Variants in MAEL observed in about 807,000 individuals in gnomAD.
MAEL encodes maelstrom spermatogenic transposon silencer.
In MAEL, 46 loss-of-function variants were observed where a neutral mutation model predicts 62.0. That is an observed-to-expected ratio of 0.74 (90% CI 0.59 to 0.95). The LOEUF is 0.95. Ranked by LOEUF, MAEL falls within the 40% of genes least tolerant of loss-of-function variation. The probability of loss-of-function intolerance (pLI) is 0.00; values close to 1 mark genes in which losing one functional copy is unlikely to be tolerated. For missense variants in MAEL, 497 were observed against 526.8 expected (o/e 0.94, Z 0.55); for synonymous variants, 172 against 175.5 (o/e 0.98, Z 0.16).
upstream of MAEL, among the ~76,000 whole-genome samples, chr1:166,988,494 C>G (rs1330659127): frequency 6.6e-6 from 1 of 151,752 alleles, no homozygotes; most frequent in Non-Finnish European, 1.5e-5. Flanking sequence ...AGAAAGCTGA[C>G]CCGAGAAAGG....
chr1:166,984,001 C>CAAAAAA (rs5778528), intron 1 of MAEL, among the ~76,000 whole-genome samples: 2 of 117,722 alleles, frequency 1.7e-5, no homozygotes, highest in African/African-American at 3.2e-5. Context: ...GATCCTGTCT[C>CAAAAAA]AAAAAAAAAA....
At chr1:166,980,831 A>C (rs1663738843) in intron 1 of MAEL, among the ~76,000 whole-genome samples, 3 of 152,174 alleles carry the variant, frequency 2.0e-5, no homozygotes, top group Non-Finnish European at 4.4e-5. Flanking sequence ...ATAGGAAGAA[A>C]GGGTAACTGG....
At chr1:166,986,514 A>G (rs574386263), upstream of MAEL, among the ~76,000 whole-genome samples, 7 of 152,338 alleles carry the variant, frequency 4.6e-5, no homozygotes, top group East Asian at 1.3e-3. Context: ...AATACCTATT[A>G]GCTGTAAAAG....
intron 6 of MAEL, 91 bp from the exon 7 acceptor site, chr1:167,004,985 C>T: frequency 7.8e-7 from 1 of 1,278,248 alleles, no homozygotes; most frequent in African/African-American, 1.5e-5. Flanking sequence ...CCAACCCCCA[C>T]ATTTTGAAAG....
Position 166,989,441 on chromosome 1 carries a change from C to T in MAEL, c.89C>T (p.Ala30Val), listed in dbSNP as rs749100498. ...PELRRRGLPV[A>V]RVADAIPYCS... is the part of the protein sequence containing the mutation. Reference sequence around the variant, plus strand: ...CTACGGCGACGAGGCCTGCCTGTGGCTCGCGTTGCTGATGCCATCCCTTAC... The same window carrying T: ...CTACGGCGACGAGGCCTGCCTGTGGTTCGCGTTGCTGATGCCATCCCTTAC... The change falls in exon 1 of 12, where the codon GCT (alanine) becomes GTT (valine). Residue 30 changes from alanine (A) to valine (V), a missense_variant. Coordinates refer to ENST00000367872, the MANE Select transcript of MAEL (RefSeq NM_032858.3). The T allele has an allele frequency of 1.9e-6, 3 of 1,591,968 alleles. No individual in the cohort carries two copies. The highest frequency in any genetic ancestry group is 2.6e-6 in the Non-Finnish European group (3 of 1,169,628).
rs144260461 is a variant in MAEL, at chr1:167,012,989, G to A, written c.846-3233G>A. On this transcript the variant is annotated intron_variant, in intron 8 of 11. Coordinates refer to ENST00000367872, the MANE Select transcript of MAEL (RefSeq NM_032858.3). ...GATTTAAGATAGGTTAAAGTCAGTA[G>A]ACCTTGCTGATGGACTGGACCCAGG... 6.8e-3 allele frequency among the ~76,000 whole-genome samples: 1,034 copies of A among 152,290 alleles called. 7 individuals carry two copies. Among genetic ancestry groups the A allele is most frequent in the Non-Finnish European group, 0.011 (754 of 68,016 alleles).
chr1:166,997,607 C>T (rs1479010389), intron 5 of MAEL, among the ~76,000 whole-genome samples: 2 of 152,114 alleles, frequency 1.3e-5, no homozygotes, highest in African/African-American at 2.4e-5. Context: ...CAGATGCAGT[C>T]GTAGCTCACT....
At chr1:167,002,779 AT>A (rs957472770) in intron 5 of MAEL, among the ~76,000 whole-genome samples, 5 of 152,310 alleles carry the variant, frequency 3.3e-5, no homozygotes, top group Middle Eastern at 3.4e-3. Context: ...ACAATGGAAT[AT>A]TTTTTTAATT....
upstream of MAEL, among the ~76,000 whole-genome samples, chr1:166,984,907 T>G (rs1223707771): frequency 6.6e-6 from 1 of 152,194 alleles, no homozygotes; most frequent in Non-Finnish European, 1.5e-5. Flanking sequence ...ATCTAAATAT[T>G]TGGTAGTTAA....
intron 5 of MAEL, among the ~76,000 whole-genome samples, chr1:166,997,663 C>T (rs1302326320): frequency 1.3e-5 from 2 of 152,180 alleles, no homozygotes; most frequent in Non-Finnish European, 2.9e-5. Flanking sequence ...GCCTCACTCT[C>T]CTGAGTAGCT....
chr1:166,980,279 G>A (rs1663720749), intron 1 of MAEL, among the ~76,000 whole-genome samples: 1 of 152,002 alleles, frequency 6.6e-6, no homozygotes, highest in Admixed American at 6.6e-5. Flanking sequence ...TCCAACCTCA[G>A]CCTCCCAAAG....
In MAEL at chr1:166,991,480, A is replaced by G; in HGVS notation, c.325+3A>G. 1 of 1,572,040 alleles carries G rather than the reference A, an allele frequency of 6.4e-7. No homozygotes were observed. Among genetic ancestry groups the G allele is most frequent in the Non-Finnish European group, 8.8e-7 (1 of 1,142,202 alleles). ...TTTGTCTTTAAAAGGTGATCAAGGT[A>G]GAGTAATCCTGAAATATTTTGCTGA... On this transcript the variant is annotated splice_donor_region_variant and intron_variant, in intron 3 of 11. Coordinates refer to ENST00000367872, the MANE Select transcript of MAEL (RefSeq NM_032858.3).
chr1:167,017,776 T>G, intron 9 of MAEL, 51 bp from the exon 10 acceptor site: 1 of 1,524,620 alleles, frequency 6.6e-7, no homozygotes, highest in Non-Finnish European at 8.9e-7. Context: ...ACAAATACTT[T>G]TAGTTGAATT....
At chr1:167,016,187 TCA>T in intron 8 of MAEL, 33 bp from the exon 9 acceptor site, 1 of 1,578,600 alleles carries the variant, frequency 6.3e-7, no homozygotes, top group Non-Finnish European at 8.7e-7. Context: ...CAGTGCTACT[TCA>T]GTTAGGATAT....
At position 167,022,174 on chromosome 1, in the gene MAEL, A is replaced by G. The variant is rs1318052496; in HGVS notation, c.*319A>G. 1.5e-5 allele frequency: 3 copies of G among 202,782 alleles called. No individual in the cohort carries two copies. The highest frequency in any genetic ancestry group is 3.0e-5 in the Non-Finnish European group (3 of 101,028). The allele number at this position is 202,782 out of a possible 1,614,324, so 12.6% of individuals were successfully genotyped here. On this transcript the variant is annotated 3_prime_UTR_variant, in exon 12 of 12. Coordinates refer to ENST00000367872, the MANE Select transcript of MAEL (RefSeq NM_032858.3). ...TATAGATTGATCATTCTTTCTCCTG[A>G]TAATAAAGGTATTGAATATCTGTTA...
chr1:167,011,831 C>G (rs1346154612), intron 8 of MAEL, among the ~76,000 whole-genome samples: 2 of 152,118 alleles, frequency 1.3e-5, no homozygotes, highest in Non-Finnish European at 2.9e-5. Flanking sequence ...AAGATGCATT[C>G]TAATTTTGGT....
rs1232640598 is a variant in MAEL at position 166,980,939 on chromosome 1, T to C, written c.-121+5273T>C. On this transcript the variant is annotated intron_variant, in intron 1 of 12. Transcript: ENST00000622874. ...CAGAGCTCAGCCCTACACATTCTCC[T>C]AAAGGCCTTCTTCCTGGCATAGGTC... 2.0e-5 allele frequency among the ~76,000 whole-genome samples: 3 copies of C among 152,144 alleles called. No homozygotes were observed. The East Asian group carries it at 5.8e-4, about 29-fold the overall frequency.
At chr1:167,019,546 A>G (rs1557989617) in intron 10 of MAEL, among the ~76,000 whole-genome samples, 1 of 151,952 alleles carries the variant, frequency 6.6e-6, no homozygotes, top group Non-Finnish European at 1.5e-5. Flanking sequence ...TTTGGGGCAA[A>G]GTCTATTTAC....
At chr1:166,992,944 A>G (rs1664257480) in intron 4 of MAEL, 103 bp downstream of exon 4, 2 of 947,268 alleles carry the variant, frequency 2.1e-6, no homozygotes, top group African/African-American at 3.4e-5. Context: ...GCTCATGTAC[A>G]GCTGTGTTCT....
Sources: gnomAD v4.1 joint callset for allele counts (sites outside exome capture counted in the v4.1 genomes callset) on GRCh38, gnomAD v4.1.1 for gene constraint, MANE v1.5 for transcripts, NCBI Gene and HGNC (gene_info 2026-07-23, HGNC 2026-07-21) for gene names.